Variants in ADGRV1 observed in about 807,000 individuals in gnomAD.
The protein encoded by ADGRV1 is adhesion G protein-coupled receptor V1, also known as G-protein coupled receptor 98.
A neutral mutation model predicts 596.2 loss-of-function variants in ADGRV1; 359 were observed. The ratio of observed to expected loss-of-function variants is 0.60; its 90% confidence interval spans 0.55 to 0.66. ADGRV1 has a LOEUF of 0.66. ADGRV1 is among the 30% of genes least tolerant of loss of function. The pLI is 0.00. For missense variants in ADGRV1, 7,274 were observed against 7,575.6 expected (o/e 0.96, Z 1.48); for synonymous variants, 2,681 against 2,679.2 (o/e 1.00, Z -0.02).
At chr5:91,017,408 A>G (rs574631785) in intron 85 of ADGRV1, among the ~76,000 whole-genome samples, 1 of 152,066 alleles carries the variant, frequency 6.6e-6, no homozygotes, top group Admixed American at 6.6e-5. Context: ...GGGGTCTATG[A>G]AATGTCTTTT....
At chr5:90,619,393 A>C (rs900890586) in intron 4 of ADGRV1, among the ~76,000 whole-genome samples, 1 of 152,094 alleles carries the variant, frequency 6.6e-6, no homozygotes, top group Non-Finnish European at 1.5e-5. Flanking sequence ...GATCGTGGTC[A>C]TCTTTTGTCC....
intron 86 of ADGRV1, among the ~76,000 whole-genome samples, chr5:91,096,804 A>G (rs1852731): frequency 0.15 from 22,845 of 152,128 alleles, 2,072 homozygotes; most frequent in African/African-American, 0.27. Context: ...AACTGTCACC[A>G]CTATCCATGT....
rs1045745277 is a variant in ADGRV1 at position 91,163,853 on chromosome 5, C to T, written c.18874C>T (p.Gln6292Ter). Residue 6292 changes from glutamine (Q) to a stop codon, truncating the protein, a stop_gained, in exon 90 of 90, where the codon CAG becomes TAG. Transcript: ENST00000405460. LOFTEE classifies it high-confidence loss of function. ...SQEGGTLTDS[Q>*]IVELRRIPIA... The stretch of plus-strand genomic sequence containing the variant: ...GGAGGGGGGCACCTTGACTGACTCC[C>T]AGATCGTGGAGCTCAGGAGGATACC... The T allele has an allele frequency of 6.2e-6, 10 of 1,607,062 alleles. No homozygotes were observed. The highest frequency in any genetic ancestry group is 8.5e-6 in the Non-Finnish European group (10 of 1,175,328).
intron 88 of ADGRV1, 116 bp downstream of exon 88, chr5:91,150,337 G>A: frequency 1.3e-6 from 1 of 784,366 alleles, no homozygotes; most frequent in Non-Finnish European, 1.9e-6. Flanking sequence ...ACCTCATAAA[G>A]AGTACAAGAT....
chr5:91,100,924 T>A (rs1445630735), intron 86 of ADGRV1, among the ~76,000 whole-genome samples: 1 of 152,142 alleles, frequency 6.6e-6, no homozygotes, highest in Non-Finnish European at 1.5e-5. Flanking sequence ...CTGGTAATCA[T>A]CAAAAGTGTC....
chr5:91,138,952 G>A (rs1295331638), intron 87 of ADGRV1, among the ~76,000 whole-genome samples: 1 of 151,952 alleles, frequency 6.6e-6, no homozygotes, highest in Non-Finnish European at 1.5e-5. Flanking sequence ...TGTGTTTTTA[G>A]TAGAGACAGG....
chr5:91,102,323 AT>A lies in ADGRV1; in HGVS notation c.18419del (p.Phe6140SerfsTer24). Reference protein sequence around the residue: ...RHFWMLVLFVIFNSLQGLYVF... With the variant: ...RHFWMLVLFVXFNSLQGLYVF... ...CTTCTGGATGTTGGTTCTCTTTGTC[AT>A]TTTCAACAGTCTGCAGGTAAGCCTT... On this transcript the variant is annotated frameshift_variant, in exon 87 of 90. Transcript: ENST00000405460. LOFTEE classifies it high-confidence loss of function. The A allele has an allele frequency of 6.2e-7, 1 of 1,600,228 alleles. No homozygotes were observed. Among genetic ancestry groups the A allele is most frequent in the Non-Finnish European group, 8.5e-7 (1 of 1,173,392 alleles).
chr5:90,741,332 G>A (rs79979101), intron 50 of ADGRV1, among the ~76,000 whole-genome samples: 9,435 of 152,038 alleles, frequency 0.062, 1,012 homozygotes, highest in African/African-American at 0.21. Context: ...ACTTTGACTC[G>A]TCATAAATCT....
intron 85 of ADGRV1, among the ~76,000 whole-genome samples, chr5:91,035,988 C>T (rs1204993902): frequency 6.7e-6 from 1 of 150,122 alleles, no homozygotes; most frequent in Admixed American, 6.6e-5. Context: ...ATAAAGGAAG[C>T]TTGACAGATG....
Position 90,635,156 on chromosome 5 carries a change from C to T in ADGRV1, c.1882C>T (p.Pro628Ser), listed in dbSNP as rs754172671. The T allele has an allele frequency of 1.9e-6, 3 of 1,608,448 alleles. No individual in the cohort carries two copies. In the South Asian group the frequency reaches 3.3e-5, roughly 18 times the overall value. ...GTTAAACATAATTCCTCTAATCCCA[C>T]CCATAAGCCCTAGATTTGGGGAAAT... ...ELLNIIPLIP[P>S]ISPRFGEICN... Residue 628 changes from proline (P) to serine (S), a missense_variant, in exon 10 of 90, where the codon CCC becomes TCC. Transcript: ENST00000405460.
chr5:91,139,431 C>T (rs1794918848), intron 87 of ADGRV1, among the ~76,000 whole-genome samples: 1 of 152,180 alleles, frequency 6.6e-6, no homozygotes, highest in Admixed American at 6.5e-5. Flanking sequence ...CTAGAAGGGA[C>T]ATTGGTGTGA....
chr5:90,594,169 G>T (rs1226785404), intron 1 of ADGRV1, among the ~76,000 whole-genome samples: 1 of 152,104 alleles, frequency 6.6e-6, no homozygotes, highest in Non-Finnish European at 1.5e-5. Flanking sequence ...TTATGGTGTG[G>T]CTGTGTCCCC....
intron 77 of ADGRV1, among the ~76,000 whole-genome samples, chr5:90,839,532 G>A (rs1765255231): frequency 6.6e-6 from 1 of 152,054 alleles, no homozygotes. Flanking sequence ...TCTTACAGCA[G>A]CATCCAGCAC....
intron 83 of ADGRV1, among the ~76,000 whole-genome samples, chr5:90,961,928 T>C (rs867054859): frequency 1.4e-4 from 22 of 152,216 alleles, no homozygotes; most frequent in African/African-American, 5.3e-4. Flanking sequence ...ATTATGAGCC[T>C]GTGGTGGGCC....
At chr5:91,126,264 G>A (rs562014524) in intron 87 of ADGRV1, among the ~76,000 whole-genome samples, 1 of 152,304 alleles carries the variant, frequency 6.6e-6, no homozygotes, top group South Asian at 2.1e-4. Flanking sequence ...TTCTCTCAAT[G>A]TAGGGAAATC....
intron 75 of ADGRV1, among the ~76,000 whole-genome samples, chr5:90,823,043 G>C (rs893850452): frequency 1.3e-5 from 2 of 152,130 alleles, no homozygotes; most frequent in African/African-American, 4.8e-5. Context: ...AGATGATGGG[G>C]TTTTCTAAAT....
At chr5:90,805,479 G>A in intron 72 of ADGRV1, 21 bp downstream of exon 72, 1 of 1,554,704 alleles carries the variant, frequency 6.4e-7, no homozygotes, top group Non-Finnish European at 8.8e-7. Context: ...GTTTTTCTAA[G>A]ATGAGTCCTG....
intron 11 of ADGRV1, among the ~76,000 whole-genome samples, chr5:90,640,215 A>C (rs2149419153): frequency 6.6e-6 from 1 of 152,328 alleles, no homozygotes; most frequent in East Asian, 1.9e-4. Context: ...GCTGTTTGAA[A>C]ATGAAATACA....
At chr5:90,819,936 T>C (rs1474885543) in intron 75 of ADGRV1, among the ~76,000 whole-genome samples, 1 of 151,488 alleles carries the variant, frequency 6.6e-6, no homozygotes, top group African/African-American at 2.4e-5. Context: ...TTAGGTCTGC[T>C]TGGTGCAGAG....
Sources: allele counts gnomAD v4.1 joint callset (sites outside exome capture counted in the v4.1 genomes callset), GRCh38; gene constraint gnomAD v4.1.1; transcripts MANE v1.5; gene names NCBI Gene and HGNC (gene_info 2026-07-23, HGNC 2026-07-21).